A2M: variants seen among roughly 807,000 people sequenced by gnomAD.
A2M encodes C3 and PZP-like alpha-2-macroglobulin domain-containing protein 5.
Under a neutral mutation model 183.9 loss-of-function variants are expected in A2M, and 128 were observed. That is an observed-to-expected ratio of 0.70 (90% confidence interval 0.60 to 0.81). A2M has a LOEUF of 0.81. Among genes scored for constraint, A2M ranks in the 30% least tolerant of loss-of-function variants. The pLI, the probability that A2M is intolerant of heterozygous loss-of-function variation, is 0.00. For synonymous variants in A2M, 592 were observed against 670.8 expected, an observed-to-expected ratio of 0.88 and a Z score of 1.81; for missense variants, 1,495 against 1,787.6, an observed-to-expected ratio of 0.84 and a Z score of 2.95.
At chr12:9,112,105 G>T in intron 4 of A2M, 54 bp downstream of exon 4, 3 of 1,579,270 alleles carry the variant, frequency 1.9e-6, no homozygotes, top group Non-Finnish European at 2.6e-6. Flanking sequence ...CAAAAAACAG[G>T]TTCCCAGCCT....
chr12:9,103,623 T>C (rs56345025), intron 11 of A2M, among the ~76,000 whole-genome samples: 25,113 of 152,210 alleles, frequency 0.16, 2,249 homozygotes, highest in African/African-American at 0.22. Flanking sequence ...TTCTATGACT[T>C]TGACTACTTT....
At position 9,072,718 on chromosome 12, in the gene A2M, A is replaced by C. The variant is rs1948614733; in HGVS notation, c.3910T>G (p.Ser1304Ala). The C allele has an allele frequency of 6.2e-7, 1 of 1,614,154 alleles. No individual in the cohort carries two copies. Among genetic ancestry groups the C allele is most frequent in the Non-Finnish European group, 8.5e-7 (1 of 1,180,038 alleles). Residue 1304 changes from serine (S) to alanine (A), a missense_variant, in exon 30 of 36, where the codon TCA becomes GCA. By Grantham distance (99) the Ser-to-Ala change is moderately conservative. Transcript: ENST00000318602. ...NNNRLLLQQV[S>A]LPELPGEYSM... ...TATTCCCCAGGCAGCTCTGGCAATG[A>C]GACCTGCTGCAGTAACAGGCGGTTG...
intron 6 of A2M, 81 bp from the exon 7 acceptor site, chr12:9,109,486 T>C: frequency 9.6e-7 from 1 of 1,036,510 alleles, no homozygotes; most frequent in South Asian, 1.4e-5. Flanking sequence ...CTGTAACAGT[T>C]CCCTAATAAT....
rs758215149 is a variant in A2M at position 9,101,447 on chromosome 12, C to T, written c.1494G>A (p.Leu498=). The change falls in exon 12 of 36, where the codon CTG becomes CTA. Residue 498 remains leucine, a splice_region_variant and synonymous_variant. Coordinates refer to ENST00000318602, the MANE Select transcript of A2M (RefSeq NM_000014.6). Reference sequence around the variant, plus strand: ...TCAACGCAGTAACCTCCCTTCTCACCAGATAATAGAAGGAGAGCTTCTTCA... The same window carrying T: ...TCAACGCAGTAACCTCCCTTCTCACTAGATAATAGAAGGAGAGCTTCTTCA... ...LGLKKLSFYY[L]IMAKGGIVRT... The T allele has an allele frequency of 3.7e-6, 6 of 1,609,774 alleles. No individual in the cohort carries two copies. The highest frequency in any genetic ancestry group is 1.1e-5 in the South Asian group (1 of 90,772).
Position 9,069,799 on chromosome 12 carries a change from G to A in A2M, c.4209C>T (p.Asn1403=). The A allele has an allele frequency of 1.9e-6, 3 of 1,613,282 alleles. No homozygotes were observed. Among genetic ancestry groups the A allele is most frequent in the South Asian group, 1.1e-5 (1 of 90,994 alleles). ...TGCTGACTTCTGTCCGGCTCACATG[G>A]TTAGATCTTTCAAGCTGAAGAAAAT... is the stretch of plus-strand genomic sequence containing the variant. ...KPTVKMLERS[N]HVSRTEVSSN... is the part of the protein sequence containing the mutation. The change falls in exon 33 of 36, where the codon AAC becomes AAT. Residue 1403 remains asparagine, a synonymous_variant. Transcript: ENST00000318602.
chr12:9,069,692 CT>C, intron 33 of A2M, 52 bp downstream of exon 33: 1 of 1,440,772 alleles, frequency 6.9e-7, no homozygotes, highest in Non-Finnish European at 9.7e-7. Context: ...CAGATGTTCC[CT>C]TAGAGGATTA....
chr12:9,086,687 A>G (rs1224813524), intron 22 of A2M, among the ~76,000 whole-genome samples: 3 of 152,230 alleles, frequency 2.0e-5, no homozygotes, highest in Non-Finnish European at 4.4e-5. Flanking sequence ...TTACATATTT[A>G]ACAGTGGAAA....
intron 18 of A2M, among the ~76,000 whole-genome samples, chr12:9,092,916 T>C (rs1949255876): frequency 1.3e-5 from 2 of 152,350 alleles, no homozygotes; most frequent in Non-Finnish European, 2.9e-5. Context: ...TGGAATATTA[T>C]TCAGCCTTAA....
rs113648360 is a variant in A2M, at chr12:9,099,524, C to A, written c.1559-1G>T. ...ATTGAGATGGAAAAATGGCCCTTCACTGGGGCACAAAGAGAATGAGAGGAA... is the reference window on the plus strand; with the variant it reads ...ATTGAGATGGAAAAATGGCCCTTCAATGGGGCACAAAGAGAATGAGAGGAA... On this transcript the variant is annotated splice_acceptor_variant, in intron 13 of 35. Transcript: ENST00000318602. LOFTEE classifies it high-confidence loss of function. The A allele has an allele frequency of 2.6e-5, 41 of 1,606,352 alleles. No individual in the cohort carries two copies. Among genetic ancestry groups the A allele is most frequent in the Non-Finnish European group, 3.5e-5 (41 of 1,176,480 alleles).
Position 9,068,232 on chromosome 12 carries a change from A to AAAAAAAACC in A2M, c.4367-17_4367-9dup. ...CAGCAATTGCAAACTCATCTGAAAA[A>AAAAAAAACC]AAAAAAACCAACAAAAAACCAGAAA... On this transcript the variant is annotated splice_polypyrimidine_tract_variant and intron_variant, in intron 34 of 35. Transcript: ENST00000318602. The AAAAAAAACC allele has an allele frequency of 6.2e-7, 1 of 1,605,756 alleles. No individual in the cohort carries two copies. Among genetic ancestry groups the AAAAAAAACC allele is most frequent in the Non-Finnish European group, 8.5e-7 (1 of 1,179,256 alleles).
intron 28 of A2M, among the ~76,000 whole-genome samples, 163 bp downstream of exon 28, chr12:9,076,593 A>T (rs750550553): frequency 6.6e-6 from 1 of 152,364 alleles, no homozygotes; most frequent in East Asian, 1.9e-4. Flanking sequence ...GATTTGATTA[A>T]GAAATCCTAG....
rs749221334 is a variant in A2M at position 9,112,526 on chromosome 12, G to A, written c.281C>T (p.Ser94Phe). The A allele has an allele frequency of 1.9e-6, 3 of 1,613,690 alleles. No homozygotes were observed. The highest frequency in any genetic ancestry group is 2.5e-6 in the Non-Finnish European group (3 of 1,179,756). ...LHCVAFAVPK[S>F]SSNEEVMFLT... ...GAACATTACCTCCTCATTGGATGAA[G>A]ACTTTGGGACCTGAAATACAGGACC... The change falls in exon 3 of 36, where the codon TCT (serine) becomes TTT (phenylalanine). Residue 94 changes from serine to phenylalanine, a missense_variant. Ser to Phe is a radical substitution (Grantham distance 155). Transcript: ENST00000318602.
At chr12:9,089,773 A>G (rs1949152797) in intron 21 of A2M, 129 bp downstream of exon 21, 1 of 715,468 alleles carries the variant, frequency 1.4e-6, no homozygotes, top group South Asian at 4.6e-5. Context: ...AACAAAACAG[A>G]AAGTAAATCA....
chr12:9,094,975 T>C lies in A2M; in HGVS notation c.2123A>G (p.Tyr708Cys). Reference sequence around the variant, plus strand: ...ATATTTATTAATTTTTTGTTTACCATAAAAACCTACACGTAGACCTTCAGG... The same window carrying C: ...ATATTTATTAATTTTTTGTTTACCACAAAAACCTACACGTAGACCTTCAGG... ...HGPEGLRVGFYESDVMGRGHA... is the reference protein window; with the variant it reads ...HGPEGLRVGFCESDVMGRGHA... The change falls in exon 17 of 36, where the codon TAT becomes TGT. Residue 708 changes from tyrosine to cysteine, a missense_variant and splice_region_variant. Transcript: ENST00000318602. The C allele has an allele frequency of 1.3e-6, 2 of 1,521,310 alleles. No individual in the cohort carries two copies. The highest frequency in any genetic ancestry group is 1.4e-5 in the South Asian group (1 of 73,268). The allele number at this position is 1,521,310 out of a possible 1,614,324, so 94.2% of individuals were successfully genotyped here. A position where few individuals can be genotyped will look rare whatever the true frequency, so the allele number is the denominator to read the frequency against.
chr12:9,110,964 A>C (rs1372527639), intron 4 of A2M, among the ~76,000 whole-genome samples: 1 of 152,180 alleles, frequency 6.6e-6, no homozygotes, highest in African/African-American at 2.4e-5. Flanking sequence ...TTTGCTATGC[A>C]ATTTTACAGG....
At chr12:9,078,950 T>C in intron 25 of A2M, among the ~76,000 whole-genome samples, 1 of 152,208 alleles carries the variant, frequency 6.6e-6, no homozygotes, top group Non-Finnish European at 1.5e-5. Flanking sequence ...TCACTGGCAA[T>C]ATCATTTTAA....
rs762973400 is a variant in A2M at position 9,071,862 on chromosome 12, G to A, written c.4103+497C>T. Among the ~76,000 whole-genome samples, 6 of 152,292 alleles carry A rather than the reference G, an allele frequency of 3.9e-5. No individual in the cohort carries two copies. In the South Asian group the frequency reaches 1.2e-3, roughly 32 times the overall value. ...AGTATCTCCAACCAAGTAATAATAT[G>A]TTTGTGGAGAGAGAGTTTTTTATCA... On this transcript the variant is annotated intron_variant, in intron 31 of 35. Coordinates refer to ENST00000318602, the MANE Select transcript of A2M (RefSeq NM_000014.6).
At chr12:9,087,551 C>G (rs1009525460) in intron 22 of A2M, among the ~76,000 whole-genome samples, 1 of 151,852 alleles carries the variant, frequency 6.6e-6, no homozygotes, top group African/African-American at 2.4e-5. Context: ...AAGTCTCAGA[C>G]AGAAGGAATA....
At chr12:9,110,168 G>A (rs2137958753) in intron 5 of A2M, 133 bp from the exon 6 acceptor site, 8 of 1,133,470 alleles carry the variant, frequency 7.1e-6, no homozygotes, top group South Asian at 3.1e-5. Context: ...TAGAGGAGAT[G>A]AGTTATAGCC....
Sources: allele counts gnomAD v4.1 joint callset (sites outside exome capture counted in the v4.1 genomes callset), GRCh38; gene constraint gnomAD v4.1.1; transcripts MANE v1.5; gene names NCBI Gene and HGNC (gene_info 2026-07-23, HGNC 2026-07-21).